FAM171A1: variants seen among roughly 807,000 people sequenced by gnomAD.
FAM171A1 encodes the protein family with sequence similarity 171 member A1.
FAM171A1 carries 23 observed loss-of-function variants against 74.9 expected under a neutral mutation model. The observed-to-expected ratio is 0.31, with a 90% CI of 0.22 to 0.44. The LOEUF is 0.44. Ranked by LOEUF, FAM171A1 falls within the 20% of genes least tolerant of loss-of-function variation. FAM171A1 has a pLI of 1.00. For missense variants in FAM171A1, 1,162 were observed against 1,159.2 expected (o/e 1.00, Z -0.03); for synonymous variants, 527 against 505.7 (o/e 1.04, Z -0.57).
intron 1 of FAM171A1, among the ~76,000 whole-genome samples, chr10:15,367,977 T>C (rs567836674): frequency 2.7e-4 from 41 of 152,310 alleles, no homozygotes; most frequent in African/African-American, 8.7e-4. Context: ...GCTCTCTCTA[T>C]TGAACCCAGC....
intron 1 of FAM171A1, among the ~76,000 whole-genome samples, chr10:15,303,147 C>A (rs1215987627): frequency 6.6e-6 from 1 of 152,112 alleles, no homozygotes; most frequent in Non-Finnish European, 1.5e-5. Context: ...CAAGATCGTG[C>A]CACTGCACTC....
chr10:15,331,755 GTA>G (rs1393848277), intron 1 of FAM171A1, among the ~76,000 whole-genome samples: 1 of 148,688 alleles, frequency 6.7e-6, no homozygotes, highest in Non-Finnish European at 1.5e-5. Context: ...GTGTGTGTAT[GTA>G]TATATATATG....
chr10:15,216,696 G>T (rs1369100815), intron 6 of FAM171A1, among the ~76,000 whole-genome samples: 1 of 152,038 alleles, frequency 6.6e-6, no homozygotes, highest in Non-Finnish European at 1.5e-5. Context: ...GCCTACCAAA[G>T]TGCTGGGATT....
At chr10:15,230,377 C>T (rs1416334018) in intron 5 of FAM171A1, among the ~76,000 whole-genome samples, 2 of 152,116 alleles carry the variant, frequency 1.3e-5, no homozygotes, top group Non-Finnish European at 2.9e-5. Context: ...TCTAATCATT[C>T]TTGTTGAAAG....
intron 2 of FAM171A1, among the ~76,000 whole-genome samples, chr10:15,282,304 T>G (rs1214511279): frequency 6.6e-6 from 1 of 152,188 alleles, no homozygotes; most frequent in Non-Finnish European, 1.5e-5. Flanking sequence ...CTGTGCCTTA[T>G]GGAGAAAACA....
At chr10:15,295,887 C>A (rs754466114) in intron 1 of FAM171A1, among the ~76,000 whole-genome samples, 1 of 152,332 alleles carries the variant, frequency 6.6e-6, no homozygotes, top group Non-Finnish European at 1.5e-5. Context: ...GGAGTTACGA[C>A]GGCTTTTCAT....
intron 1 of FAM171A1, among the ~76,000 whole-genome samples, chr10:15,285,933 T>C (rs1835030586): frequency 6.6e-6 from 1 of 152,170 alleles, no homozygotes; most frequent in South Asian, 2.1e-4. Flanking sequence ...CACCCTGGGG[T>C]TCTGCAATTC....
At chr10:15,333,309 T>A (rs929435873) in intron 1 of FAM171A1, among the ~76,000 whole-genome samples, 7 of 151,314 alleles carry the variant, frequency 4.6e-5, no homozygotes, top group African/African-American at 1.7e-4. Flanking sequence ...GCCTGACCAA[T>A]ATGGTGATGG....
Position 15,212,754 on chromosome 10 carries a change from T to C in FAM171A1, c.*161A>G. 5.0e-6 allele frequency: 5 copies of C among 995,972 alleles called. No individual in the cohort carries two copies. Among genetic ancestry groups the C allele is most frequent in the Non-Finnish European group, 7.3e-6 (5 of 681,942 alleles). The allele number at this position is 995,972 out of a possible 1,614,324, so 61.7% of individuals were successfully genotyped here. ...CCTTTATTCCGAGTAATAACTTTAA[T>C]TCCTTTCTAACATTTACACGGCAAA... On this transcript the variant is annotated 3_prime_UTR_variant, in exon 8 of 8. Transcript: ENST00000378116.
intron 1 of FAM171A1, among the ~76,000 whole-genome samples, chr10:15,339,406 A>G (rs944838320): frequency 6.6e-6 from 1 of 152,148 alleles, no homozygotes; most frequent in African/African-American, 2.4e-5. Flanking sequence ...CCTCTTGGCT[A>G]TGACAGTTTC....
At chr10:15,253,757 ATTAGT>A (rs1301293180) in intron 4 of FAM171A1, among the ~76,000 whole-genome samples, 1 of 152,152 alleles carries the variant, frequency 6.6e-6, no homozygotes, top group African/African-American at 2.4e-5. Context: ...TAATGCTGTG[ATTAGT>A]TTAAAGTGTG....
At chr10:15,290,108 G>A (rs551885386) in intron 1 of FAM171A1, among the ~76,000 whole-genome samples, 1 of 152,218 alleles carries the variant, frequency 6.6e-6, no homozygotes, top group East Asian at 1.9e-4. Flanking sequence ...CACGCTTGTA[G>A]TCTCAGCTAC....
At chr10:15,260,057 G>A (rs1834635992) in intron 3 of FAM171A1, among the ~76,000 whole-genome samples, 1 of 152,002 alleles carries the variant, frequency 6.6e-6, no homozygotes, top group Non-Finnish European at 1.5e-5. Context: ...AAACTCCTGG[G>A]CTCAAGTCAT....
At chr10:15,307,630 G>C (rs1465246220) in intron 1 of FAM171A1, among the ~76,000 whole-genome samples, 1 of 112,702 alleles carries the variant, frequency 8.9e-6, no homozygotes, top group Non-Finnish European at 1.7e-5. Flanking sequence ...TGGGCAACAA[G>C]AGTGAAACTC....
intron 1 of FAM171A1, among the ~76,000 whole-genome samples, chr10:15,301,355 T>A (rs1242734831): frequency 7.3e-6 from 1 of 137,134 alleles, no homozygotes; most frequent in Non-Finnish European, 1.6e-5. Flanking sequence ...TATATATATA[T>A]ATATATATTT....
upstream of FAM171A1, among the ~76,000 whole-genome samples, chr10:15,372,715 A>AAG (rs1836164973): frequency 1.3e-5 from 2 of 151,422 alleles, no homozygotes; most frequent in African/African-American, 2.4e-5. Flanking sequence ...AAAAAAAAAA[A>AAG]AAAATCAAAA....
rs1835004580 is a variant in FAM171A1 at position 15,284,027 on chromosome 10, T to C, written c.176A>G (p.Asn59Ser). The C allele has an allele frequency of 6.2e-7, 1 of 1,614,150 alleles. No homozygotes were observed. Among genetic ancestry groups the C allele is most frequent in the Non-Finnish European group, 8.5e-7 (1 of 1,180,026 alleles). ...VADALIEIFT[N>S]QASIASGTSG... ...GGTGCCAGAGGCTATGGAGGCCTGG[T>C]TGGTGAAGATCTCGATGAGCGCATC... is the stretch of plus-strand genomic sequence containing the variant. Residue 59 changes from asparagine (N) to serine (S), a missense_variant, in exon 2 of 8, where the codon AAC (asparagine) becomes AGC (serine). By Grantham distance (46) the Asn-to-Ser change is conservative. Transcript: ENST00000378116.
At position 15,262,911 on chromosome 10, in the gene FAM171A1, C is replaced by A. The variant is rs574569581; in HGVS notation, c.419-8032G>T. On this transcript the variant is annotated intron_variant, in intron 3 of 7. Coordinates refer to ENST00000378116, the MANE Select transcript of FAM171A1 (RefSeq NM_001010924.2). Reference sequence around the variant, plus strand: ...GAAAGGCGGCAGGAGGAAGACCACTCGGGAAGGCGTGCTTCCCTGACGGCC... The same window carrying A: ...GAAAGGCGGCAGGAGGAAGACCACTAGGGAAGGCGTGCTTCCCTGACGGCC... Among the ~76,000 whole-genome samples, 8 of 152,288 alleles carry A rather than the reference C, an allele frequency of 5.3e-5. No homozygotes were observed. The South Asian group carries it at 1.7e-3, about 32-fold the overall frequency.
chr10:15,364,988 T>G lies in FAM171A1; in HGVS notation c.97+5968A>C, dbSNP rs79834591. Among the ~76,000 whole-genome samples the G allele has an allele frequency of 4.6e-5, 7 of 152,208 alleles. No homozygotes were observed. The East Asian group carries it at 1.4e-3, about 29-fold the overall frequency. On this transcript the variant is annotated intron_variant, in intron 1 of 7. Transcript: ENST00000378116. The stretch of plus-strand genomic sequence containing the variant: ...TAACAGAATCACTTGGCCACAGTCT[T>G]TAGCCATGTAAAGTCACATACGGTT...
Sources: allele counts gnomAD v4.1 joint callset (sites outside exome capture counted in the v4.1 genomes callset), GRCh38; gene constraint gnomAD v4.1.1; transcripts MANE v1.5; gene names NCBI Gene and HGNC (gene_info 2026-07-23, HGNC 2026-07-21).